ROBO1: variants seen among roughly 807,000 people sequenced by gnomAD.
ROBO1 encodes the protein roundabout guidance receptor 1, also known as roundabout homolog 1.
In ROBO1, 149 loss-of-function variants were observed where a neutral mutation model predicts 195.9. The ratio of observed to expected loss-of-function variants is 0.76; its 90% CI spans 0.67 to 0.87. The LOEUF is 0.87. Ranked by LOEUF, ROBO1 falls within the 40% of genes least tolerant of loss-of-function variation. The pLI is 0.00. For missense variants in ROBO1, 1,933 were observed against 2,068.3 expected, an observed-to-expected ratio of 0.93 and a Z score of 1.27; for synonymous variants, 816 against 733.2, an observed-to-expected ratio of 1.11 and a Z score of -1.82.
chr3:79,144,291 A>T (rs2080595055), intron 2 of ROBO1, among the ~76,000 whole-genome samples: 1 of 152,092 alleles, frequency 6.6e-6, no homozygotes, highest in African/African-American at 2.4e-5. Context: ...ACAATCAGCC[A>T]ATCAGATTTT....
rs866618742 is a variant in ROBO1 at position 79,018,293 on chromosome 3, C to T, written c.173-79366G>A. 62 of 1,200,544 alleles carry T rather than the reference C, an allele frequency of 5.2e-5. 2 individuals are homozygous for T. In the South Asian group the frequency reaches 7.0e-4, roughly 14 times the overall value. 74.4% of individuals were successfully genotyped at this position (1,200,544 alleles called of 1,614,324 possible). On this transcript the variant is annotated intron_variant, in intron 3 of 30. Transcript: ENST00000464233. ...CTAAAAGTCTAGCAGGAATCGAGCC[C>T]CTCCGGCCTTAGGAGGGAGGGGTAA... is the stretch of plus-strand genomic sequence containing the variant.
intron 3 of ROBO1, among the ~76,000 whole-genome samples, chr3:79,011,370 C>A (rs546408303): frequency 1.2e-3 from 176 of 152,106 alleles, no homozygotes; most frequent in Non-Finnish European, 2.1e-3. Flanking sequence ...AAGAAAATCA[C>A]GTGCTAAACA....
intron 1 of ROBO1, among the ~76,000 whole-genome samples, chr3:79,614,738 A>G (rs1245757117): frequency 1.3e-5 from 2 of 152,146 alleles, no homozygotes; most frequent in African/African-American, 2.4e-5. Context: ...TCCATTGATC[A>G]CAAGACTCAA....
intron 1 of ROBO1, among the ~76,000 whole-genome samples, chr3:79,625,236 A>G (rs770233856): frequency 2.6e-5 from 4 of 151,976 alleles, no homozygotes; most frequent in Middle Eastern, 3.4e-3. Context: ...AAATGCCCAC[A>G]TCGGAAAGCT....
chr3:79,293,229 C>T (rs1252693217), intron 2 of ROBO1, among the ~76,000 whole-genome samples: 1 of 151,888 alleles, frequency 6.6e-6, no homozygotes, highest in Non-Finnish European at 1.5e-5. Flanking sequence ...TGGTGATATC[C>T]CCTTTATCAT....
chr3:79,192,333 T>C (rs1395552196), intron 2 of ROBO1, among the ~76,000 whole-genome samples: 2 of 151,716 alleles, frequency 1.3e-5, no homozygotes, highest in East Asian at 1.9e-4. Flanking sequence ...TATTGCTATA[T>C]AGTGGTTCCT....
At chr3:79,451,075 A>T (rs2039427682) in intron 2 of ROBO1, among the ~76,000 whole-genome samples, 1 of 151,832 alleles carries the variant, frequency 6.6e-6, no homozygotes, top group South Asian at 2.1e-4. Context: ...TTTTTAGATT[A>T]TTACTACACT....
chr3:79,654,123 G>A (rs1459783618), intron 1 of ROBO1, among the ~76,000 whole-genome samples: 1 of 151,926 alleles, frequency 6.6e-6, no homozygotes, highest in African/African-American at 2.4e-5. Flanking sequence ...TATATTACAA[G>A]GATAGATATA....
At chr3:79,121,238 T>C (rs761681961) in intron 3 of ROBO1, among the ~76,000 whole-genome samples, 5 of 152,052 alleles carry the variant, frequency 3.3e-5, no homozygotes, top group Non-Finnish European at 5.9e-5. Context: ...CGTTAAAAAT[T>C]CACATACCAA....
chr3:78,856,497 C>T (rs966100662), intron 4 of ROBO1, among the ~76,000 whole-genome samples: 2 of 151,502 alleles, frequency 1.3e-5, no homozygotes, highest in Non-Finnish European at 2.9e-5. Context: ...TCAAGGTAAC[C>T]CAAACATTGT....
intron 2 of ROBO1, among the ~76,000 whole-genome samples, chr3:79,506,533 C>T (rs1940406139): frequency 6.6e-6 from 1 of 152,040 alleles, no homozygotes; most frequent in South Asian, 2.1e-4. Context: ...CAACCTCCAC[C>T]TCCCGGGTTC....
chr3:78,722,856 C>T (rs1455362499), intron 5 of ROBO1, among the ~76,000 whole-genome samples: 2 of 152,012 alleles, frequency 1.3e-5, no homozygotes, highest in East Asian at 3.9e-4. Flanking sequence ...AATGGGAATC[C>T]TATTAATATA....
intron 2 of ROBO1, among the ~76,000 whole-genome samples, chr3:79,298,392 ATACAT>A (rs1370861807): frequency 3.3e-5 from 5 of 152,078 alleles, no homozygotes; most frequent in African/African-American, 9.7e-5. Flanking sequence ...GAGGGATCAA[ATACAT>A]TATAGATGAT....
chr3:79,362,556 A>C (rs1441856335), intron 2 of ROBO1, among the ~76,000 whole-genome samples: 1 of 152,186 alleles, frequency 6.6e-6, no homozygotes, highest in Non-Finnish European at 1.5e-5. Context: ...CCTTGAAGGA[A>C]ATGGAGTGGA....
intron 2 of ROBO1, among the ~76,000 whole-genome samples, chr3:79,469,242 T>C (rs1220811789): frequency 3.9e-5 from 6 of 152,116 alleles, no homozygotes; most frequent in South Asian, 2.1e-4. Flanking sequence ...TTAGAAATTA[T>C]AGAATCAGAA....
intron 1 of ROBO1, among the ~76,000 whole-genome samples, chr3:79,747,641 C>A (rs11920213): frequency 6.6e-6 from 1 of 151,916 alleles, no homozygotes; most frequent in Non-Finnish European, 1.5e-5. Context: ...ATAATATTTT[C>A]TATAGTCACA....
intron 1 of ROBO1, among the ~76,000 whole-genome samples, chr3:79,740,398 G>C (rs1037923491): frequency 2.0e-5 from 3 of 151,778 alleles, no homozygotes; most frequent in African/African-American, 7.3e-5. Flanking sequence ...ATTTTTACTG[G>C]AAAACTGTAT....
chr3:79,019,053 G>A (rs771988492), intron 3 of ROBO1: 1 of 989,704 alleles, frequency 1.0e-6, no homozygotes, highest in Non-Finnish European at 1.2e-6. Context: ...GAGCGAGCGA[G>A]GGGGCGGTGC....
rs181732144 is a variant in ROBO1, at chr3:79,000,569, A to G, written c.173-61642T>C. ...TAGAGAAATGCAAATCAAAACCACA[A>G]TGAGATACCATCTCACACCAGTTAG... is the stretch of plus-strand genomic sequence containing the variant. On this transcript the variant is annotated intron_variant, in intron 3 of 30. Transcript: ENST00000464233. 4.6e-3 allele frequency among the ~76,000 whole-genome samples: 694 copies of G among 152,324 alleles called. 19 individuals are homozygous for G. Among genetic ancestry groups the G allele is most frequent in the Admixed American group, 0.042 (646 of 15,286 alleles).
Sources: allele counts gnomAD v4.1 joint callset (sites outside exome capture counted in the v4.1 genomes callset), GRCh38; gene constraint gnomAD v4.1.1; transcripts MANE v1.5; gene names NCBI Gene and HGNC (gene_info 2026-07-23, HGNC 2026-07-21).